NTM: variants seen among roughly 807,000 people sequenced by gnomAD.
The protein encoded by NTM is neurotrimin.
NTM carries 13 observed loss-of-function variants against 42.1 expected under a neutral mutation model. The observed-to-expected ratio is 0.31, with a 90% CI of 0.20 to 0.49. The LOEUF (loss-of-function observed/expected upper bound fraction) is 0.49. Among genes scored for constraint, NTM ranks in the 20% least tolerant of loss-of-function variants. The probability of loss-of-function intolerance (pLI) is 0.99; values close to 1 mark genes in which losing one functional copy is unlikely to be tolerated. For synonymous variants in NTM, 187 were observed against 179.2 expected, an observed-to-expected ratio of 1.04 and a Z score of -0.35; for missense variants, 373 against 452.8, an observed-to-expected ratio of 0.82 and a Z score of 1.60.
rs981992718 is a variant in NTM at position 131,688,362 on chromosome 11, C to T, written c.83-223202C>T. Among the ~76,000 whole-genome samples the T allele has an allele frequency of 2.6e-5, 4 of 152,228 alleles. No individual in the cohort carries two copies. In the South Asian group the frequency reaches 8.3e-4, roughly 32 times the overall value. ...GGTTGGAAGGAGCTTGGATAGCACA[C>T]GCCACTAACTCAGAAAAACCTTGTT... On this transcript the variant is annotated intron_variant, in intron 1 of 8. Coordinates refer to ENST00000683400, the MANE Select transcript of NTM (RefSeq NM_001352005.2).
chr11:131,893,357 C>T (rs373802545), intron 1 of NTM, among the ~76,000 whole-genome samples: 4 of 152,218 alleles, frequency 2.6e-5, no homozygotes, highest in African/African-American at 7.2e-5. Flanking sequence ...GAAAATGATT[C>T]GGAGTTGCTT....
In NTM at chr11:132,146,244, C is replaced by G; in HGVS notation, c.168-38C>G. 1 of 1,609,942 alleles carries G rather than the reference C, an allele frequency of 6.2e-7. No individual in the cohort carries two copies. The highest frequency in any genetic ancestry group is 8.5e-7 in the Non-Finnish European group (1 of 1,177,070). On this transcript the variant is annotated intron_variant, in intron 2 of 8. Transcript: ENST00000683400. The surrounding 1 kb of genome is among the most constrained non-coding windows in gnomAD (Gnocchi z 4.5). Reference sequence around the variant, plus strand: ...CTCCCTCTGATGGCTGCTGTCGTCTCTCAGTCCCTTGACGTACCTGTCTGG... The same window carrying G: ...CTCCCTCTGATGGCTGCTGTCGTCTGTCAGTCCCTTGACGTACCTGTCTGG...
intron 1 of NTM, among the ~76,000 whole-genome samples, chr11:131,772,617 T>C (rs550917022): frequency 1.3e-5 from 2 of 152,292 alleles, no homozygotes; most frequent in African/African-American, 2.4e-5. Flanking sequence ...AGATACTTCC[T>C]TACTTCCAAG....
At position 131,509,222 on chromosome 11, in the gene NTM, T is replaced by C. The variant is rs557273646; in HGVS notation, c.82+138334T>C. Among the ~76,000 whole-genome samples, 6 of 152,262 alleles carry C rather than the reference T, an allele frequency of 3.9e-5. No homozygotes were observed. In the South Asian group the frequency reaches 1.2e-3, roughly 32 times the overall value. On this transcript the variant is annotated intron_variant, in intron 1 of 8. Transcript: ENST00000683400. ...TCAGATGGAAAGCTTCCCTAATGAC[T>C]GTTCTGAAGTTGGGGCTTTGGGGTT...
chr11:132,213,627 T>G (rs994889177), intron 4 of NTM, among the ~76,000 whole-genome samples: 2 of 152,104 alleles, frequency 1.3e-5, no homozygotes, highest in African/African-American at 4.8e-5. Flanking sequence ...AAGTACCAAA[T>G]TCTAGACAGT....
At chr11:132,262,592 C>G (rs548833229) in intron 4 of NTM, among the ~76,000 whole-genome samples, 2 of 152,052 alleles carry the variant, frequency 1.3e-5, no homozygotes, top group Non-Finnish European at 2.9e-5. Context: ...TCTATTCTTA[C>G]GAGGACTTTA....
intron 1 of NTM, among the ~76,000 whole-genome samples, chr11:131,589,017 G>A (rs1291094292): frequency 6.6e-6 from 1 of 152,190 alleles, no homozygotes; most frequent in African/African-American, 2.4e-5. Context: ...ACTCATGCCT[G>A]AGCATGCTAG....
At chr11:132,017,115 G>GT (rs950594641) in intron 2 of NTM, among the ~76,000 whole-genome samples, 3 of 151,244 alleles carry the variant, frequency 2.0e-5, no homozygotes, top group South Asian at 2.1e-4. Context: ...TAAATGGTGG[G>GT]TTTTTTTTGA....
chr11:131,532,176 AT>A (rs1231344596), intron 1 of NTM, among the ~76,000 whole-genome samples: 5 of 152,214 alleles, frequency 3.3e-5, no homozygotes, highest in Non-Finnish European at 5.9e-5. Flanking sequence ...CATCTCCAGA[AT>A]TTTTTTTAAA....
chr11:131,431,822 T>A (rs1414694227), intron 1 of NTM, among the ~76,000 whole-genome samples: 1 of 152,082 alleles, frequency 6.6e-6, no homozygotes, highest in Non-Finnish European at 1.5e-5. Flanking sequence ...GTCTCCTTGT[T>A]ATCCCAACCC....
At chr11:132,039,931 CT>C (rs554851283) in intron 2 of NTM, among the ~76,000 whole-genome samples, 9 of 149,988 alleles carry the variant, frequency 6.0e-5, no homozygotes, top group African/African-American at 7.3e-5. Flanking sequence ...GCAGATATTA[CT>C]TTTTTTTTTG....
chr11:131,885,117 G>A (rs2050177630), intron 1 of NTM, among the ~76,000 whole-genome samples: 1 of 152,206 alleles, frequency 6.6e-6, no homozygotes, highest in Non-Finnish European at 1.5e-5. Flanking sequence ...TGAGGAGTGA[G>A]TAGGTCTGCA....
chr11:132,321,903 C>A (rs1218045580), intron 7 of NTM, among the ~76,000 whole-genome samples: 1 of 148,484 alleles, frequency 6.7e-6, no homozygotes, highest in Non-Finnish European at 1.5e-5. Flanking sequence ...AATTTTCAAC[C>A]CAGAATTTCA....
At chr11:131,421,642 T>C (rs948215993) in intron 1 of NTM, among the ~76,000 whole-genome samples, 1 of 152,188 alleles carries the variant, frequency 6.6e-6, no homozygotes, top group Non-Finnish European at 1.5e-5. Context: ...ATTTAGACTC[T>C]CCCTTTCTCA....
intron 2 of NTM, chr11:131,981,087 A>T (rs1008266760): frequency 6.6e-6 from 1 of 152,068 alleles, no homozygotes; most frequent in African/African-American, 2.4e-5. Flanking sequence ...GTTTGTTTTG[A>T]TGGAAGGGAG....
chr11:131,661,765 T>C (rs1403801546), intron 1 of NTM, among the ~76,000 whole-genome samples: 1 of 152,182 alleles, frequency 6.6e-6, no homozygotes, highest in Non-Finnish European at 1.5e-5. Flanking sequence ...ATGCTCTTTT[T>C]TTTCCCCCTG....
chr11:131,607,304 A>G (rs892583687), intron 1 of NTM, among the ~76,000 whole-genome samples: 3 of 152,092 alleles, frequency 2.0e-5, no homozygotes, highest in African/African-American at 7.2e-5. Context: ...GAGAAGAGGA[A>G]TGGGGCCCCC....
At chr11:131,912,481 C>A (rs1273964275) in intron 2 of NTM, among the ~76,000 whole-genome samples, 1 of 152,198 alleles carries the variant, frequency 6.6e-6, no homozygotes, top group African/African-American at 2.4e-5. Flanking sequence ...TCCCTGATTA[C>A]CTTGCCTGCA....
chr11:131,753,977 T>C (rs1460712334), intron 1 of NTM, among the ~76,000 whole-genome samples: 1 of 151,954 alleles, frequency 6.6e-6, no homozygotes, highest in Non-Finnish European at 1.5e-5. Flanking sequence ...TTCTTGTCCT[T>C]TGTAGTGACT....
Sources: gnomAD v4.1 joint callset for allele counts (sites outside exome capture counted in the v4.1 genomes callset) on GRCh38, gnomAD v4.1.1 for gene constraint, Gnocchi (gnomAD v3.1) non-coding constraint, MANE v1.5 for transcripts, NCBI Gene and HGNC (gene_info 2026-07-23, HGNC 2026-07-21) for gene names.